The following ADAMTS2 variants were observed in gnomAD, a reference collection of about 807,000 sequenced individuals.
The protein encoded by ADAMTS2 is ADAM metallopeptidase with thrombospondin type 1 motif 2, also known as A disintegrin and metalloproteinase with thrombospondin motifs 2.
ADAMTS2 carries 50 observed loss-of-function variants against 123.0 expected under a neutral mutation model. That is an observed-to-expected ratio of 0.41 (90% CI 0.32 to 0.51). The LOEUF is 0.51. ADAMTS2 is among the 20% of genes least tolerant of loss of function. The pLI, the probability that ADAMTS2 is intolerant of heterozygous loss-of-function variation, is 0.35. For synonymous variants in ADAMTS2, 678 were observed against 695.4 expected (o/e 0.98, Z 0.39); for missense variants, 1,494 against 1,705.2 (o/e 0.88, Z 2.18).
chr5:179,283,300 A>G (rs1005869329), intron 2 of ADAMTS2, among the ~76,000 whole-genome samples: 1 of 152,178 alleles, frequency 6.6e-6, no homozygotes, highest in Non-Finnish European at 1.5e-5. Flanking sequence ...AAAAATTGCC[A>G]AACAAGCCCA....
intron 2 of ADAMTS2, among the ~76,000 whole-genome samples, chr5:179,275,168 A>G (rs920676684): frequency 7.2e-5 from 11 of 152,086 alleles, no homozygotes; most frequent in Admixed American, 3.3e-4. Flanking sequence ...GTTCAGAAGC[A>G]TGGTGGCTGC....
At chr5:179,221,391 C>T (rs1306509574) in intron 3 of ADAMTS2, among the ~76,000 whole-genome samples, 1 of 152,156 alleles carries the variant, frequency 6.6e-6, no homozygotes, top group Non-Finnish European at 1.5e-5. Context: ...GTACCAGGGC[C>T]CTGGCCCAGC....
Position 179,189,219 on chromosome 5 carries a change from C to T in ADAMTS2, c.892-8064G>A, listed in dbSNP as rs1764243566. On this transcript the variant is annotated intron_variant, in intron 4 of 21. Transcript: ENST00000251582. This position sits in a 1 kb window ranked among gnomAD's most constrained non-coding sequence, Gnocchi z 4.2. Reference sequence around the variant, plus strand: ...CCATGTGAAGAGATCACCAAACAGGCTTTGTGTGAGCAATAAAGCTTTTTA... The same window carrying T: ...CCATGTGAAGAGATCACCAAACAGGTTTTGTGTGAGCAATAAAGCTTTTTA... Among the ~76,000 whole-genome samples, 1 of 152,158 alleles carries T rather than the reference C, an allele frequency of 6.6e-6. No individual in the cohort carries two copies. The highest frequency in any genetic ancestry group is 2.1e-4 in the South Asian group (1 of 4,832).
intron 5 of ADAMTS2, among the ~76,000 whole-genome samples, chr5:179,173,241 AATAAT>A (rs1763862491): frequency 7.7e-6 from 1 of 129,614 alleles, no homozygotes; most frequent in Non-Finnish European, 1.7e-5. Flanking sequence ...TAATAATAAT[AATAAT>A]AAAAACCATG....
At chr5:179,245,203 T>A (rs571964686) in intron 3 of ADAMTS2, among the ~76,000 whole-genome samples, 1 of 152,074 alleles carries the variant, frequency 6.6e-6, no homozygotes, top group Admixed American at 6.5e-5. Context: ...GTTGCTGGCA[T>A]AAAAGACGAA....
intron 3 of ADAMTS2, among the ~76,000 whole-genome samples, chr5:179,211,881 C>T (rs557618525): frequency 6.6e-6 from 1 of 152,328 alleles, no homozygotes; most frequent in Non-Finnish European, 1.5e-5. Flanking sequence ...CCAATCCCCT[C>T]GCCAAGGTGG....
chr5:179,336,483 C>G (rs114091179), intron 2 of ADAMTS2, among the ~76,000 whole-genome samples: 2,000 of 152,234 alleles, frequency 0.013, 15 homozygotes, highest in Non-Finnish European at 0.021. Flanking sequence ...CAGACAGCAT[C>G]AGAGAAACCA....
Position 179,121,740 on chromosome 5 carries a change from T to C in ADAMTS2, c.3099A>G (p.Ser1033=). 1 of 1,578,674 alleles carries C rather than the reference T, an allele frequency of 6.3e-7. No homozygotes were observed. The highest frequency in any genetic ancestry group is 8.6e-7 in the Non-Finnish European group (1 of 1,160,312). The change falls in exon 21 of 22, where the codon TCA becomes TCG. Residue 1033 remains serine, a synonymous_variant. Coordinates refer to ENST00000251582, the MANE Select transcript of ADAMTS2 (RefSeq NM_014244.5). ...CTACGTAGCTCTTCTTGGAGGGATCTGAGATGTTTCCTAGAGGGAGGAGAG... is the reference window on the plus strand; with the variant it reads ...CTACGTAGCTCTTCTTGGAGGGATCCGAGATGTTTCCTAGAGGGAGGAGAG... ...CRLGPCPRNI[S]DPSKKSYVVQ...
chr5:179,136,142 C>T, intron 12 of ADAMTS2, 100 bp from the exon 13 acceptor site: 18 of 1,571,422 alleles, frequency 1.1e-5, no homozygotes, highest in Non-Finnish European at 1.6e-5. Flanking sequence ...CAAGGGTCCC[C>T]ACGTGGCCCA....
chr5:179,173,964 G>A (rs980792937), intron 5 of ADAMTS2, among the ~76,000 whole-genome samples: 2 of 150,888 alleles, frequency 1.3e-5, no homozygotes, highest in Non-Finnish European at 2.9e-5. Flanking sequence ...AGTGAGCTGA[G>A]GTCGCGCCAC....
chr5:179,310,545 G>C (rs557612440), intron 2 of ADAMTS2, among the ~76,000 whole-genome samples: 4 of 152,148 alleles, frequency 2.6e-5, no homozygotes, highest in African/African-American at 9.7e-5. Context: ...GCCACCCACC[G>C]GTGCTAGAAT....
chr5:179,315,287 A>AGGCCACAGTTGGCTTCTGGAAAGCACTGG (rs2113582892), intron 2 of ADAMTS2, among the ~76,000 whole-genome samples: 1 of 152,232 alleles, frequency 6.6e-6, no homozygotes, highest in Non-Finnish European at 1.5e-5. Context: ...GAAAGCACTG[A>AGGCCACAGTTGGCTTCTGGAAAGCACTGG]GGCCACAGTT....
rs202081869 is a variant in ADAMTS2, at chr5:179,117,553, A to ATT, written c.3179-3231_3179-3230dup. Reference sequence around the variant, plus strand: ...TATTGGATCAGGCCCATGCCCATGCATTTTTTTTTTTTTTTTTGAGATGAA... The same window carrying ATT: ...TATTGGATCAGGCCCATGCCCATGCATTTTTTTTTTTTTTTTTTTGAGATGAA... On this transcript the variant is annotated intron_variant, in intron 21 of 21. Coordinates refer to ENST00000251582, the MANE Select transcript of ADAMTS2 (RefSeq NM_014244.5). This position sits in a 1 kb window ranked among gnomAD's most constrained non-coding sequence, Gnocchi z 4.2. Among the ~76,000 whole-genome samples, 47 of 134,870 alleles carry ATT rather than the reference A, an allele frequency of 3.5e-4. No homozygotes were observed. Among genetic ancestry groups the ATT allele is most frequent in the African/African-American group, 8.3e-4 (31 of 37,154 alleles). The allele number at this position is 134,870 out of a possible 152,430, so 88.5% of individuals were successfully genotyped here.
rs1454696864 is a variant in ADAMTS2, at chr5:179,343,926, C to A, written c.375G>T (p.Arg125=). 1 of 1,608,388 alleles carries A rather than the reference C, an allele frequency of 6.2e-7. No individual in the cohort carries two copies. The highest frequency in any genetic ancestry group is 1.1e-5 in the South Asian group (1 of 90,314). ...CGGGCGCCACGAGGCGGGCGTTGGGCCGCAGCCGCAGGTGCAGGTCTCGGC... is the reference window on the plus strand; with the variant it reads ...CGGGCGCCACGAGGCGGGCGTTGGGACGCAGCCGCAGGTGCAGGTCTCGGC... ...VFGRDLHLRL[R]PNARLVAPGA... is the part of the protein sequence containing the mutation. The change falls in exon 2 of 22, where the codon CGG becomes CGT. Residue 125 remains arginine, a synonymous_variant. Coordinates refer to ENST00000251582, the MANE Select transcript of ADAMTS2 (RefSeq NM_014244.5).
intron 3 of ADAMTS2, among the ~76,000 whole-genome samples, chr5:179,229,506 C>T (rs967784461): frequency 1.3e-5 from 2 of 151,930 alleles, no homozygotes; most frequent in South Asian, 2.1e-4. Context: ...CCATTCCCGA[C>T]GGAGAGGTAA....
At chr5:179,134,593 A>G (rs1420888709) in intron 13 of ADAMTS2, among the ~76,000 whole-genome samples, 2 of 152,226 alleles carry the variant, frequency 1.3e-5, no homozygotes, top group African/African-American at 4.8e-5. Context: ...TCCCAAGGGT[A>G]CAGAGCAGAC....
chr5:179,253,122 C>T (rs947936991), intron 3 of ADAMTS2, among the ~76,000 whole-genome samples: 4 of 152,146 alleles, frequency 2.6e-5, no homozygotes, highest in Non-Finnish European at 5.9e-5. Context: ...TCCACTTTTT[C>T]TTGCCTTTAC....
At position 179,130,972 on chromosome 5, in the gene ADAMTS2, T is replaced by G. The variant is rs542615201; in HGVS notation, c.2291-874A>C. 1.2e-4 allele frequency among the ~76,000 whole-genome samples: 18 copies of G among 152,206 alleles called. No homozygotes were observed. The South Asian group carries it at 3.7e-3, about 32-fold the overall frequency. The stretch of plus-strand genomic sequence containing the variant: ...AAACTGACTTTTCTGTTCACCTGCT[T>G]CAGGCAAGTGGTACAGGTTTTTATA... On this transcript the variant is annotated intron_variant, in intron 15 of 21. Transcript: ENST00000251582. The surrounding 1 kb of genome is among the most constrained non-coding windows in gnomAD (Gnocchi z 4.3).
chr5:179,210,293 T>A (rs1459760238), intron 3 of ADAMTS2, among the ~76,000 whole-genome samples: 1 of 152,130 alleles, frequency 6.6e-6, no homozygotes, highest in Non-Finnish European at 1.5e-5. Flanking sequence ...ACATTCCCCG[T>A]AGGAGGGCAT....
Sources: gnomAD v4.1 joint callset for allele counts (sites outside exome capture counted in the v4.1 genomes callset) on GRCh38, gnomAD v4.1.1 for gene constraint, Gnocchi (gnomAD v3.1) non-coding constraint, MANE v1.5 for transcripts, NCBI Gene and HGNC (gene_info 2026-07-23, HGNC 2026-07-21) for gene names.